SYN3: variants seen among roughly 807,000 people sequenced by gnomAD.
The protein encoded by SYN3 is synapsin III.
A neutral mutation model predicts 65.8 loss-of-function variants in SYN3; 35 were observed. The observed-to-expected ratio is 0.53, with a 90% CI of 0.41 to 0.70. The LOEUF is 0.70. SYN3 is among the 30% of genes least tolerant of loss of function. The pLI, the probability that SYN3 is intolerant of heterozygous loss-of-function variation, is 0.00. For synonymous variants in SYN3, 270 were observed against 292.9 expected (o/e 0.92, Z 0.80); for missense variants, 680 against 749.0 (o/e 0.91, Z 1.08).
chr22:33,018,028 C>T (rs994932701), intron 1 of SYN3, among the ~76,000 whole-genome samples: 11 of 152,012 alleles, frequency 7.2e-5, no homozygotes, highest in African/African-American at 2.4e-4. Context: ...TCATGAAGGG[C>T]CATGTTGAAA....
chr22:32,934,469 AAGGTAGCC>A (rs1351014455), intron 3 of SYN3, among the ~76,000 whole-genome samples: 1 of 152,192 alleles, frequency 6.6e-6, no homozygotes, highest in African/African-American at 2.4e-5. Context: ...CCTGGGTTGC[AAGGTAGCC>A]AGCTTCCGTG....
At position 33,004,051 on chromosome 22, in the gene SYN3, A is replaced by G. The variant is rs537680220; in HGVS notation, c.311+2301T>C. Among the ~76,000 whole-genome samples, 8 of 152,362 alleles carry G rather than the reference A, an allele frequency of 5.3e-5. No homozygotes were observed. The South Asian group carries it at 1.7e-3, about 32-fold the overall frequency. On this transcript the variant is annotated intron_variant, in intron 2 of 13. Transcript: ENST00000358763. ...GGTGCTGGCCCTGCGGATGCACAGA[A>G]GTATTCAGGTTTGGGAACCTCTGCC...
At chr22:32,564,939 C>T (rs1033720701) in intron 7 of SYN3, among the ~76,000 whole-genome samples, 3 of 91,868 alleles carry the variant, frequency 3.3e-5, no homozygotes, top group Admixed American at 2.3e-4. Context: ...CCGGATTGTA[C>T]CCAAACAGTG....
chr22:33,011,650 G>T (rs1181831232), intron 1 of SYN3, among the ~76,000 whole-genome samples: 3 of 151,746 alleles, frequency 2.0e-5, no homozygotes, highest in Non-Finnish European at 2.9e-5. Flanking sequence ...GTAATATTGT[G>T]TTTTTTTTCT....
chr22:32,604,143 C>G (rs965034396), intron 6 of SYN3, among the ~76,000 whole-genome samples: 5 of 152,204 alleles, frequency 3.3e-5, no homozygotes, highest in Non-Finnish European at 1.5e-5. Context: ...GGAGGCAACT[C>G]CTCCTATGTT....
chr22:32,619,128 G>T (rs1335278792), intron 6 of SYN3, among the ~76,000 whole-genome samples: 1 of 152,112 alleles, frequency 6.6e-6, no homozygotes, highest in Non-Finnish European at 1.5e-5. Context: ...CAGACTCTCA[G>T]GCCCCACCCC....
chr22:32,744,370 C>T (rs1016578173), intron 6 of SYN3, among the ~76,000 whole-genome samples: 3 of 152,124 alleles, frequency 2.0e-5, no homozygotes, highest in Non-Finnish European at 2.9e-5. Flanking sequence ...CAACGGGAAG[C>T]GATCTATGAG....
chr22:33,055,574 T>C (rs1013466054), intron 1 of SYN3, among the ~76,000 whole-genome samples: 1 of 152,160 alleles, frequency 6.6e-6, no homozygotes, highest in Non-Finnish European at 1.5e-5. Context: ...GATGAAGCAA[T>C]GTATGATCCC....
At chr22:32,998,026 CA>C (rs133930) in intron 2 of SYN3, among the ~76,000 whole-genome samples, 4,108 of 108,032 alleles carry the variant, frequency 0.038, 77 homozygotes, top group African/African-American at 0.066. Context: ...GACTCCATCT[CA>C]AAAAAAAAAA....
At position 32,527,818 on chromosome 22, in the gene SYN3, A is replaced by G. The variant is rs966436311; in HGVS notation, c.1318+100T>C. On this transcript the variant is annotated intron_variant, in intron 12 of 13. Transcript: ENST00000358763. ...TTCTGTGGATAAAGTATTCAGGTGC[A>G]TTTTCCCAGAGCCCCTTGTGGGAAT... The G allele has an allele frequency of 9.7e-6, 10 of 1,032,044 alleles. No individual in the cohort carries two copies. In the African/African-American group the frequency reaches 1.6e-4, roughly 17 times the overall value. The allele number at this position is 1,032,044 out of a possible 1,614,324, so 63.9% of individuals were successfully genotyped here. A position where few individuals can be genotyped will look rare whatever the true frequency, so the allele number is the denominator to read the frequency against.
intron 6 of SYN3, among the ~76,000 whole-genome samples, chr22:32,641,409 C>G (rs2146883077): frequency 6.6e-6 from 1 of 151,800 alleles, no homozygotes; most frequent in Admixed American, 6.6e-5. Flanking sequence ...GAGATCGAGA[C>G]CATTCTGGCT....
intron 1 of SYN3, among the ~76,000 whole-genome samples, chr22:33,013,938 T>C (rs1052396121): frequency 6.6e-6 from 1 of 151,978 alleles, no homozygotes; most frequent in African/African-American, 2.4e-5. Context: ...GGGGTCTCAC[T>C]CTGTTGCCCA....
chr22:32,559,273 T>G (rs1222795968), intron 7 of SYN3, among the ~76,000 whole-genome samples: 1 of 152,200 alleles, frequency 6.6e-6, no homozygotes, highest in Non-Finnish European at 1.5e-5. Context: ...AGCCAGACAC[T>G]GTTGTAGACA....
chr22:33,056,162 G>A (rs566747847), intron 1 of SYN3, among the ~76,000 whole-genome samples: 2 of 152,246 alleles, frequency 1.3e-5, no homozygotes, highest in East Asian at 3.9e-4. Flanking sequence ...CTCAAAAAAG[G>A]GAAGCAGTAG....
chr22:32,931,915 C>T (rs1222069778), intron 3 of SYN3, among the ~76,000 whole-genome samples: 46 of 77,110 alleles, frequency 6.0e-4, no homozygotes, highest in Middle Eastern at 6.6e-3. Flanking sequence ...TTTGATGGGA[C>T]ATTTTCTCTA....
intron 6 of SYN3, among the ~76,000 whole-genome samples, chr22:32,804,446 A>G (rs934931244): frequency 6.6e-6 from 1 of 152,090 alleles, no homozygotes; most frequent in African/African-American, 2.4e-5. Context: ...GACCCACACA[A>G]CCCCACCAGT....
intron 7 of SYN3, among the ~76,000 whole-genome samples, chr22:32,562,706 G>A (rs1286211803): frequency 1.3e-5 from 2 of 152,270 alleles, no homozygotes; most frequent in African/African-American, 4.8e-5. Flanking sequence ...CAGATTGTCT[G>A]TAATGAAAAC....
rs368764315 is a variant in SYN3, at chr22:32,922,586, G to A, written c.461+8804C>T. Among the ~76,000 whole-genome samples the A allele has an allele frequency of 5.8e-4, 88 of 152,112 alleles. 1 individual carries two copies. In the South Asian group the frequency reaches 0.017, roughly 29 times the overall value. ...CCTTGAATAACATCATCAGGGCATCGTCTCTCTGCTTGGCTGTGTGTTCCT... is the reference window on the plus strand; with the variant it reads ...CCTTGAATAACATCATCAGGGCATCATCTCTCTGCTTGGCTGTGTGTTCCT... On this transcript the variant is annotated intron_variant, in intron 4 of 13. Transcript: ENST00000358763.
At chr22:32,720,731 C>T (rs2061105972) in intron 6 of SYN3, among the ~76,000 whole-genome samples, 1 of 152,240 alleles carries the variant, frequency 6.6e-6, no homozygotes. Context: ...ACAGGTGGCA[C>T]TTTGGCAGCT....
Sources: allele counts gnomAD v4.1 joint callset (sites outside exome capture counted in the v4.1 genomes callset), GRCh38; gene constraint gnomAD v4.1.1; transcripts MANE v1.5; gene names NCBI Gene and HGNC (gene_info 2026-07-23, HGNC 2026-07-21).